The following FOXN4 variants were observed in gnomAD, a reference collection of about 807,000 sequenced individuals.
FOXN4 encodes the protein forkhead box protein N4.
In FOXN4, 12 loss-of-function variants were observed where a neutral mutation model predicts 45.0. The observed-to-expected ratio is 0.27, with a 90% CI of 0.17 to 0.43. The LOEUF is 0.43. Ranked by LOEUF, FOXN4 falls within the 20% of genes least tolerant of loss-of-function variation. The pLI, the probability that FOXN4 is intolerant of heterozygous loss-of-function variation, is 1.00. For synonymous variants in FOXN4, 297 were observed against 295.0 expected (o/e 1.01, Z -0.07); for missense variants, 560 against 694.9 (o/e 0.81, Z 2.18).
At position 109,291,301 on chromosome 12, in the gene FOXN4, C is replaced by A. The variant is rs371344045; in HGVS notation, c.87-1015G>T. On this transcript the variant is annotated intron_variant, in intron 2 of 9. Transcript: ENST00000299162. This position sits in a 1 kb window ranked among gnomAD's most constrained non-coding sequence, Gnocchi z 6.6. ...TCTTACACCACCATCCGGGCCCTGT[C>A]GTGATGGTGCAGACCAGCCCAGGAG... 6.6e-6 allele frequency among the ~76,000 whole-genome samples: 1 copy of A among 151,986 alleles called. No homozygotes were observed. The highest frequency in any genetic ancestry group is 1.9e-4 in the East Asian group (1 of 5,162).
intron 8 of FOXN4, 171 bp downstream of exon 8, chr12:109,285,133 T>G: frequency 3.4e-6 from 1 of 290,570 alleles, no homozygotes; most frequent in Non-Finnish European, 5.0e-6. Flanking sequence ...TCTGTGTGCG[T>G]GTGCGTGTAT....
At chr12:109,301,805 T>C (rs1470956125) in intron 2 of FOXN4, among the ~76,000 whole-genome samples, 2 of 152,266 alleles carry the variant, frequency 1.3e-5, no homozygotes, top group East Asian at 3.8e-4. Context: ...GCACCTGGCA[T>C]AGGACCTGAC....
At position 109,290,406 on chromosome 12, in the gene FOXN4, C is replaced by T; in HGVS notation, c.87-120G>A. ...CTCATCTCCCCAAGCCACGCCAGCC[C>T]TCCAACCTGCCCGTCCCCAGGACTG... On this transcript the variant is annotated intron_variant, in intron 2 of 9. Coordinates refer to ENST00000299162, the MANE Select transcript of FOXN4 (RefSeq NM_213596.3). This position sits in a 1 kb window ranked among gnomAD's most constrained non-coding sequence, Gnocchi z 5.1. 1 of 1,254,690 alleles carries T rather than the reference C, an allele frequency of 8.0e-7. No individual in the cohort carries two copies. The highest frequency in any genetic ancestry group is 1.1e-6 in the Non-Finnish European group (1 of 929,468). The allele number at this position is 1,254,690 out of a possible 1,614,324, so 77.7% of individuals were successfully genotyped here.
chr12:109,285,032 T>C (rs1191988502), intron 8 of FOXN4, among the ~76,000 whole-genome samples: 2 of 150,498 alleles, frequency 1.3e-5, no homozygotes, highest in African/African-American at 2.5e-5. Flanking sequence ...CACAGGTGTG[T>C]GAGTGCATTT....
chr12:109,282,619 T>C (rs1412209161), intron 8 of FOXN4, among the ~76,000 whole-genome samples: 2 of 152,158 alleles, frequency 1.3e-5, no homozygotes, highest in Non-Finnish European at 2.9e-5. Context: ...CAAAATGTAT[T>C]AACATGCAAG....
At chr12:109,284,340 C>G (rs1164662744) in intron 8 of FOXN4, among the ~76,000 whole-genome samples, 1 of 152,230 alleles carries the variant, frequency 6.6e-6, no homozygotes, top group Non-Finnish European at 1.5e-5. Context: ...TTGCCAGACG[C>G]CTGTCTTCCC....
chr12:109,286,808 T>A (rs1408260368), intron 6 of FOXN4, 64 bp from the exon 7 acceptor site: 1 of 1,533,488 alleles, frequency 6.5e-7, no homozygotes, highest in South Asian at 1.2e-5. Flanking sequence ...CATGAAAGGG[T>A]CTCAGGCTGA....
At position 109,291,756 on chromosome 12, in the gene FOXN4, A is replaced by G. The variant is rs1195410774; in HGVS notation, c.87-1470T>C. Among the ~76,000 whole-genome samples, 1 of 152,024 alleles carries G rather than the reference A, an allele frequency of 6.6e-6. No individual in the cohort carries two copies. The highest frequency in any genetic ancestry group is 1.5e-5 in the Non-Finnish European group (1 of 67,996). On this transcript the variant is annotated intron_variant, in intron 2 of 9. Coordinates refer to ENST00000299162, the MANE Select transcript of FOXN4 (RefSeq NM_213596.3). This position sits in a 1 kb window ranked among gnomAD's most constrained non-coding sequence, Gnocchi z 6.6. ...GCGATTGGCTGCCTCATAGGGAAAC[A>G]GGGCCTGGAAACGATTTGAAAACGC...
Position 109,287,854 on chromosome 12 carries a change from C to A in FOXN4, c.458G>T (p.Gly153Val). The change falls in exon 5 of 10, where the codon GGT becomes GTT. Residue 153 changes from glycine to valine, a missense_variant. Transcript: ENST00000299162. The surrounding 1 kb of genome is among the most constrained non-coding windows in gnomAD (Gnocchi z 4.1). ...CTGAGCCCTTGGTACCTGCTGGGCA[C>A]CCGGGGGGAGCGGGAACTGTGGTTG... Reference protein sequence around the residue: ...ATQPQFPLPPGAQQCPPVGLY... With the variant: ...ATQPQFPLPPVAQQCPPVGLY... 1 of 1,549,762 alleles carries A rather than the reference C, an allele frequency of 6.5e-7. No homozygotes were observed. The highest frequency in any genetic ancestry group is 1.2e-5 in the South Asian group (1 of 83,982).
Position 109,287,630 on chromosome 12 carries a change from CT to C in FOXN4, c.469-107del. ...TGTCCCCACCCCAGTTTCAAAACAC[CT>C]TGTGTGGGGATTCACAACCGTCCAG... On this transcript the variant is annotated intron_variant, in intron 5 of 9. Coordinates refer to ENST00000299162, the MANE Select transcript of FOXN4 (RefSeq NM_213596.3). The surrounding 1 kb of genome is among the most constrained non-coding windows in gnomAD (Gnocchi z 4.1). 7.2e-7 allele frequency: 1 copy of C among 1,384,528 alleles called. No individual in the cohort carries two copies. The highest frequency in any genetic ancestry group is 9.6e-7 in the Non-Finnish European group (1 of 1,039,614). 85.8% of individuals were successfully genotyped at this position (1,384,528 alleles called of 1,614,324 possible).
chr12:109,285,248 T>G, intron 8 of FOXN4, 56 bp downstream of exon 8: 1 of 1,219,240 alleles, frequency 8.2e-7, no homozygotes, highest in Non-Finnish European at 1.1e-6. Flanking sequence ...CTCTTCCGTG[T>G]GTGTGTGTGT....
rs930751320 is a variant in FOXN4, at chr12:109,291,937, C to T, written c.87-1651G>A. Among the ~76,000 whole-genome samples the T allele has an allele frequency of 4.2e-4, 63 of 149,250 alleles. No homozygotes were observed. Among genetic ancestry groups the T allele is most frequent in the African/African-American group, 1.5e-3 (59 of 38,774 alleles). On this transcript the variant is annotated intron_variant, in intron 2 of 9. Coordinates refer to ENST00000299162, the MANE Select transcript of FOXN4 (RefSeq NM_213596.3). The surrounding 1 kb of genome is among the most constrained non-coding windows in gnomAD (Gnocchi z 6.6). ...TGCAGCCCCCCGGCTGCCACCCCTC[C>T]GGCCGCCACCCCTCCGGCTGCCACC...
Position 109,283,175 on chromosome 12 carries a change from ATT to A in FOXN4, c.902-1378_902-1377del, listed in dbSNP as rs5800846. ...GGATGGCCCCTCCTCAAATCCATTA[ATT>A]TTTTTTTTAAAAGCAGATGCAATCC... On this transcript the variant is annotated intron_variant, in intron 8 of 9. Coordinates refer to ENST00000299162, the MANE Select transcript of FOXN4 (RefSeq NM_213596.3). 2.0e-5 allele frequency among the ~76,000 whole-genome samples: 3 copies of A among 151,564 alleles called. No individual in the cohort carries two copies. The East Asian group carries it at 5.8e-4, about 30-fold the overall frequency.
At chr12:109,285,171 T>TGC (rs2047694947) in intron 8 of FOXN4, 133 bp downstream of exon 8, 4 of 1,040,446 alleles carry the variant, frequency 3.8e-6, no homozygotes, top group Admixed American at 2.0e-5. Context: ...TTTGTGTGTG[T>TGC]GCGCGTGCGT....
intron 2 of FOXN4, among the ~76,000 whole-genome samples, chr12:109,295,879 G>A (rs778496996): frequency 1.3e-5 from 2 of 152,098 alleles, no homozygotes; most frequent in Non-Finnish European, 2.9e-5. Context: ...GTCTGTCACT[G>A]TAACTGAGGG....
At chr12:109,293,875 G>A (rs776623176) in intron 2 of FOXN4, among the ~76,000 whole-genome samples, 6 of 152,180 alleles carry the variant, frequency 3.9e-5, no homozygotes, top group Admixed American at 6.5e-5. Context: ...CTGACAGAGC[G>A]GTCTTCCACC....
rs1445087262 is a variant in FOXN4 at position 109,291,057 on chromosome 12, T to TGAAGC, written c.87-776_87-772dup. Among the ~76,000 whole-genome samples the TGAAGC allele has an allele frequency of 2.6e-5, 4 of 152,140 alleles. No homozygotes were observed. The highest frequency in any genetic ancestry group is 9.7e-5 in the African/African-American group (4 of 41,418). ...GGGCTGAGACCCAGTCAGTGCCTCC[T>TGAAGC]GAAGCCTGAGCCCTTCAACTCGACC... On this transcript the variant is annotated intron_variant, in intron 2 of 9. Coordinates refer to ENST00000299162, the MANE Select transcript of FOXN4 (RefSeq NM_213596.3). This position sits in a 1 kb window ranked among gnomAD's most constrained non-coding sequence, Gnocchi z 6.6.
chr12:109,308,400 G>A, intron 1 of FOXN4, 76 bp from the exon 2 acceptor site: 4 of 989,732 alleles, frequency 4.0e-6, no homozygotes. Context: ...CAGTTTTCCC[G>A]CAATTCAGAA....
At chr12:109,281,962 T>C (rs1053052282) in intron 8 of FOXN4, among the ~76,000 whole-genome samples, 163 bp from the exon 9 acceptor site, 36 of 152,218 alleles carry the variant, frequency 2.4e-4, no homozygotes, top group East Asian at 3.8e-4. Context: ...ACAGGCATCA[T>C]CTCATCTCAC....
Sources: allele counts gnomAD v4.1 joint callset (sites outside exome capture counted in the v4.1 genomes callset), GRCh38; gene constraint gnomAD v4.1.1; non-coding constraint Gnocchi (gnomAD v3.1); transcripts MANE v1.5; gene names NCBI Gene and HGNC (gene_info 2026-07-23, HGNC 2026-07-21).